The following ITGA2 variants were observed in gnomAD, a reference collection of about 807,000 sequenced individuals.
ITGA2 encodes integrin subunit alpha 2, also known as integrin alpha-2.
Under a neutral mutation model 146.3 loss-of-function variants are expected in ITGA2, and 101 were observed. The ratio of observed to expected loss-of-function variants is 0.69; its 90% CI spans 0.59 to 0.81. ITGA2 has a LOEUF of 0.81. Among genes scored for constraint, ITGA2 ranks in the 40% least tolerant of loss-of-function variants. ITGA2 has a pLI of 0.00. For synonymous variants in ITGA2, 477 were observed against 487.1 expected (o/e 0.98, Z 0.27); for missense variants, 1,281 against 1,402.7 (o/e 0.91, Z 1.39).
intron 2 of ITGA2, among the ~76,000 whole-genome samples, chr5:53,036,686 A>C (rs1201825817): frequency 2.0e-5 from 3 of 152,090 alleles, no homozygotes; most frequent in African/African-American, 7.2e-5. Context: ...CTACCACTAT[A>C]TGGTTTACTT....
chr5:53,089,673 G>A (rs932495727), intron 28 of ITGA2, among the ~76,000 whole-genome samples: 8 of 152,182 alleles, frequency 5.3e-5, no homozygotes, highest in Admixed American at 3.3e-4. Context: ...AGTAAGATAA[G>A]CATCTGAGAT....
At chr5:53,038,713 T>G (rs1743624077) in intron 2 of ITGA2, among the ~76,000 whole-genome samples, 1 of 152,190 alleles carries the variant, frequency 6.6e-6, no homozygotes, top group Non-Finnish European at 1.5e-5. Context: ...TGGTTTTCAC[T>G]AGCCATGGGA....
intron 9 of ITGA2, among the ~76,000 whole-genome samples, chr5:53,056,933 C>T (rs958340053): frequency 6.6e-6 from 1 of 151,900 alleles, no homozygotes; most frequent in African/African-American, 2.4e-5. Flanking sequence ...CAGGTACAGC[C>T]TTAGAGTCTG....
chr5:53,065,242 T>C (rs1356710879), intron 14 of ITGA2, 127 bp downstream of exon 14: 1 of 951,066 alleles, frequency 1.1e-6, no homozygotes, highest in Non-Finnish European at 1.7e-6. Context: ...ACTCAGCAAA[T>C]ATAAAGTGAG....
intron 1 of ITGA2, among the ~76,000 whole-genome samples, chr5:53,017,365 A>C (rs1395389371): frequency 6.6e-6 from 1 of 152,060 alleles, no homozygotes; most frequent in Non-Finnish European, 1.5e-5. Flanking sequence ...TCAGCCCTGC[A>C]CTCCTAGGCT....
At chr5:53,002,418 T>C (rs1741628800) in intron 1 of ITGA2, among the ~76,000 whole-genome samples, 1 of 152,166 alleles carries the variant, frequency 6.6e-6, no homozygotes, top group Non-Finnish European at 1.5e-5. Flanking sequence ...AAAATATTTA[T>C]ATTTCTTTTG....
In ITGA2 at chr5:53,090,749, T is replaced by A; in HGVS notation, c.*150T>A. 2.8e-6 allele frequency: 1 copy of A among 353,720 alleles called. No individual in the cohort carries two copies. Among genetic ancestry groups the A allele is most frequent in the Non-Finnish European group, 5.3e-6 (1 of 187,970 alleles). The allele number at this position is 353,720 out of a possible 1,614,324, so 21.9% of individuals were successfully genotyped here. On this transcript the variant is annotated 3_prime_UTR_variant, in exon 30 of 30. Transcript: ENST00000296585. ...TTTAAGAGAAAACTGCAGGTCAGTTTGGAATGAAGAAATTGTGGGGGGTGG... is the reference window on the plus strand; with the variant it reads ...TTTAAGAGAAAACTGCAGGTCAGTTAGGAATGAAGAAATTGTGGGGGGTGG...
intron 28 of ITGA2, chr5:53,088,986 T>C (rs1234881257): frequency 6.6e-6 from 1 of 152,154 alleles, no homozygotes; most frequent in Non-Finnish European, 1.5e-5. Flanking sequence ...AAGAGAGAAG[T>C]AGGCTTATGA....
Position 53,081,671 on chromosome 5 carries a change from A to G in ITGA2, c.3119A>G (p.Glu1040Gly). Reference sequence around the variant, plus strand: ...TCTTCTTCTGTATCTTTCAAAAGTGAAAATTTCAGGCACACCAAAGAATTG... The same window carrying G: ...TCTTCTTCTGTATCTTTCAAAAGTGGAAATTTCAGGCACACCAAAGAATTG... The part of the protein sequence containing the change: ...QTSSSVSFKS[E>G]NFRHTKELNC... Residue 1040 changes from glutamate to glycine, a missense_variant, in exon 26 of 30, where the codon GAA becomes GGA. By Grantham distance (98) the Glu-to-Gly change is moderately conservative (BLOSUM62 -2). Coordinates refer to ENST00000296585, the MANE Select transcript of ITGA2 (RefSeq NM_002203.4). 1.2e-6 allele frequency: 2 copies of G among 1,612,636 alleles called. No individual in the cohort carries two copies. The highest frequency in any genetic ancestry group is 1.7e-6 in the Non-Finnish European group (2 of 1,179,118).
chr5:53,006,788 T>G (rs1741879751), intron 1 of ITGA2, among the ~76,000 whole-genome samples: 1 of 152,176 alleles, frequency 6.6e-6, no homozygotes, highest in Non-Finnish European at 1.5e-5. Context: ...CCAGATATTT[T>G]CATTCAACAT....
chr5:53,030,532 C>T (rs1310854180), intron 2 of ITGA2, among the ~76,000 whole-genome samples: 1 of 152,172 alleles, frequency 6.6e-6, no homozygotes, highest in East Asian at 1.9e-4. Context: ...AAGGGCTGAA[C>T]CATATGGAAT....
At chr5:53,023,321 G>A (rs1046666347) in intron 1 of ITGA2, among the ~76,000 whole-genome samples, 13 of 152,066 alleles carry the variant, frequency 8.5e-5, no homozygotes, top group Admixed American at 2.6e-4. Context: ...TGATGTTCCC[G>A]GTGCCTGGGA....
At chr5:53,025,452 A>G (rs1561099637) in intron 1 of ITGA2, among the ~76,000 whole-genome samples, 1 of 152,230 alleles carries the variant, frequency 6.6e-6, no homozygotes, top group Non-Finnish European at 1.5e-5. Flanking sequence ...AGAAATAAAA[A>G]GCTGAATTCC....
chr5:53,038,296 T>C (rs1034366345), intron 2 of ITGA2, among the ~76,000 whole-genome samples: 5 of 152,170 alleles, frequency 3.3e-5, no homozygotes, highest in Non-Finnish European at 5.9e-5. Flanking sequence ...GTGAGGATGG[T>C]TGGAAATGTG....
rs1561141792 is a variant in ITGA2 at position 53,070,264 on chromosome 5, A to T, written c.2235+4A>T. The T allele has an allele frequency of 6.2e-7, 1 of 1,611,440 alleles. No individual in the cohort carries two copies. The highest frequency in any genetic ancestry group is 8.5e-7 in the Non-Finnish European group (1 of 1,178,206). ...CGAGCACATCATTTATATACAGGTA[A>T]GGCCTCAGGAACATCCCTTTTGACT... On this transcript the variant is annotated splice_donor_region_variant and intron_variant, in intron 17 of 29. Coordinates refer to ENST00000296585, the MANE Select transcript of ITGA2 (RefSeq NM_002203.4).
Position 53,090,747 on chromosome 5 carries a change from T to C in ITGA2, c.*148T>C. ...ATTTTAAGAGAAAACTGCAGGTCAG[T>C]TTGGAATGAAGAAATTGTGGGGGGT... On this transcript the variant is annotated 3_prime_UTR_variant, in exon 30 of 30. Coordinates refer to ENST00000296585, the MANE Select transcript of ITGA2 (RefSeq NM_002203.4). The C allele has an allele frequency of 3.7e-6, 2 of 533,444 alleles. No individual in the cohort carries two copies. Among genetic ancestry groups the C allele is most frequent in the Middle Eastern group, 8.6e-4 (2 of 2,336 alleles). 33.0% of individuals were successfully genotyped at this position (533,444 alleles called of 1,614,324 possible).
intron 10 of ITGA2, among the ~76,000 whole-genome samples, chr5:53,058,588 G>A (rs1012200319): frequency 1.3e-5 from 2 of 151,700 alleles, no homozygotes; most frequent in South Asian, 2.1e-4. Context: ...TTTTCAGCTC[G>A]GGGAAGTCTA....
chr5:53,000,401 T>C (rs986889296), intron 1 of ITGA2, among the ~76,000 whole-genome samples: 7 of 152,310 alleles, frequency 4.6e-5, no homozygotes, highest in African/African-American at 1.7e-4. Flanking sequence ...AAACCCAAGT[T>C]GATCCACATG....
intron 6 of ITGA2, among the ~76,000 whole-genome samples, chr5:53,048,980 T>C (rs1420409820): frequency 6.6e-6 from 1 of 152,120 alleles, no homozygotes; most frequent in East Asian, 1.9e-4. Context: ...GAGTTCTATT[T>C]CTGACACAAG....
Sources: gnomAD v4.1 joint callset for allele counts (sites outside exome capture counted in the v4.1 genomes callset) on GRCh38, gnomAD v4.1.1 for gene constraint, MANE v1.5 for transcripts, NCBI Gene and HGNC (gene_info 2026-07-23, HGNC 2026-07-21) for gene names.